MAP3K5: variants seen among roughly 807,000 people sequenced by gnomAD.
The protein encoded by MAP3K5 is mitogen-activated protein kinase kinase kinase 5, also known as ASK-1.
A neutral mutation model predicts 158.7 loss-of-function variants in MAP3K5; 56 were observed. The ratio of observed to expected loss-of-function variants is 0.35; its 90% confidence interval spans 0.28 to 0.44. The LOEUF is 0.44. Ranked by LOEUF, MAP3K5 falls within the 20% of genes least tolerant of loss-of-function variation. MAP3K5 has a pLI of 1.00. For synonymous variants in MAP3K5, 579 were observed against 601.7 expected (o/e 0.96, Z 0.55); for missense variants, 1,294 against 1,674.8 (o/e 0.77, Z 3.97).
intron 8 of MAP3K5, among the ~76,000 whole-genome samples, chr6:136,665,673 ATGAACTACAGTATCTC>A (rs2114502133): frequency 6.6e-6 from 1 of 152,306 alleles, no homozygotes; most frequent in South Asian, 2.1e-4. Flanking sequence ...CATCAACGGG[ATGAACTACAGTATCTC>A]TGAAAGAGGA....
chr6:136,791,417 T>C (rs1785068769), intron 1 of MAP3K5, among the ~76,000 whole-genome samples: 5 of 151,342 alleles, frequency 3.3e-5, no homozygotes, highest in Admixed American at 6.6e-5. Context: ...CTGGGGCAAA[T>C]ATCTCACACT....
At chr6:136,740,896 C>T (rs1343074640) in intron 1 of MAP3K5, among the ~76,000 whole-genome samples, 2 of 152,088 alleles carry the variant, frequency 1.3e-5, no homozygotes, top group Non-Finnish European at 2.9e-5. Context: ...CTGCTCTGTA[C>T]GAGAGCTAGA....
intron 24 of MAP3K5, 73 bp downstream of exon 24, chr6:136,583,482 G>T (rs1774977811): frequency 7.5e-7 from 1 of 1,338,978 alleles, no homozygotes; most frequent in South Asian, 1.5e-5. Context: ...AAAAATAACA[G>T]AACTTATGTT....
At chr6:136,678,271 TACA>T (rs1779789135) in intron 7 of MAP3K5, among the ~76,000 whole-genome samples, 1 of 152,190 alleles carries the variant, frequency 6.6e-6, no homozygotes, top group African/African-American at 2.4e-5. Context: ...GTATTCTATA[TACA>T]ACAGAAACAG....
At chr6:136,708,386 G>A (rs1187762868) in intron 2 of MAP3K5, among the ~76,000 whole-genome samples, 2 of 151,998 alleles carry the variant, frequency 1.3e-5, no homozygotes, top group African/African-American at 2.4e-5. Context: ...CTCCCAAGTA[G>A]CTGGGACCAC....
chr6:136,726,531 T>G (rs1006782547), intron 1 of MAP3K5, among the ~76,000 whole-genome samples: 3 of 151,948 alleles, frequency 2.0e-5, no homozygotes, highest in Non-Finnish European at 4.4e-5. Context: ...AGGCAGAGGC[T>G]GCAGTGAGCC....
chr6:136,635,423 A>G (rs551662009), intron 14 of MAP3K5, among the ~76,000 whole-genome samples: 6 of 152,318 alleles, frequency 3.9e-5, no homozygotes, highest in African/African-American at 1.4e-4. Flanking sequence ...AATAAGAAGT[A>G]GTATCTATTA....
intron 1 of MAP3K5, among the ~76,000 whole-genome samples, chr6:136,760,221 T>C (rs1783687046): frequency 6.6e-6 from 1 of 152,294 alleles, no homozygotes; most frequent in African/African-American, 2.4e-5. Context: ...CATGCTTAAA[T>C]AGTAAAGACT....
intron 14 of MAP3K5, among the ~76,000 whole-genome samples, chr6:136,625,520 C>T (rs545812597): frequency 1.3e-5 from 2 of 152,348 alleles, no homozygotes; most frequent in East Asian, 1.9e-4. Context: ...TGTCTCAAGA[C>T]TGAGCTCTGG....
chr6:136,789,189 A>G (rs1262609075), intron 1 of MAP3K5, among the ~76,000 whole-genome samples: 1 of 152,214 alleles, frequency 6.6e-6, no homozygotes, highest in Non-Finnish European at 1.5e-5. Flanking sequence ...TCATGCCTGT[A>G]GTCCCAGCTA....
In MAP3K5 at chr6:136,578,181, A is replaced by G. The variant is rs17723401; in HGVS notation, c.3517+2120T>C. ...ACAACCAGCCTTATCCTAATGATAA[A>G]GTATCTGAATATAAATATTGTTTGA... On this transcript the variant is annotated intron_variant, in intron 25 of 29. Coordinates refer to ENST00000359015, the MANE Select transcript of MAP3K5 (RefSeq NM_005923.4). Among the ~76,000 whole-genome samples, 763 of 152,296 alleles carry G rather than the reference A, an allele frequency of 5.0e-3. 7 individuals are homozygous for G. The highest frequency in any genetic ancestry group is 0.039 in the East Asian group (203 of 5,178).
intron 8 of MAP3K5, among the ~76,000 whole-genome samples, chr6:136,665,975 C>G (rs978687615): frequency 6.6e-6 from 1 of 152,164 alleles, no homozygotes; most frequent in Non-Finnish European, 1.5e-5. Flanking sequence ...GTTGGAGACT[C>G]AAACCTCTAA....
chr6:136,669,884 GGTGTGTGTGTGTGT>G (rs60778677), intron 7 of MAP3K5, among the ~76,000 whole-genome samples: 2 of 144,402 alleles, frequency 1.4e-5, no homozygotes, highest in Non-Finnish European at 3.0e-5. Flanking sequence ...CATCATTCAG[GGTGTGTGTGTGTGT>G]GTGTGTGTGT....
intron 1 of MAP3K5, among the ~76,000 whole-genome samples, chr6:136,783,276 TA>T (rs11436876): frequency 2.9e-4 from 42 of 144,190 alleles, no homozygotes; most frequent in African/African-American, 2.8e-4. Flanking sequence ...AAGATCTTCT[TA>T]AAAAAAAAAA....
chr6:136,720,700 G>A, intron 1 of MAP3K5, 111 bp from the exon 2 acceptor site: 1 of 752,704 alleles, frequency 1.3e-6, no homozygotes, highest in Non-Finnish European at 2.1e-6. Flanking sequence ...GGAAACGATA[G>A]GGATTTTCTC....
intron 10 of MAP3K5, among the ~76,000 whole-genome samples, chr6:136,653,140 T>C (rs1376296295): frequency 6.6e-6 from 1 of 152,196 alleles, no homozygotes; most frequent in Non-Finnish European, 1.5e-5. Flanking sequence ...CTCCTTCCTC[T>C]TTCCCGACGT....
chr6:136,754,591 A>AAAAG (rs56197087), intron 1 of MAP3K5, among the ~76,000 whole-genome samples: 73,858 of 149,866 alleles, frequency 0.49, 18,267 homozygotes, highest in Middle Eastern at 0.54. Flanking sequence ...TCAAAAAAAA[A>AAAAG]AAAGAAAGAA....
At position 136,626,504 on chromosome 6, in the gene MAP3K5, C is replaced by T. The variant is rs1248236445; in HGVS notation, c.2017-3523G>A. ...GCAGCAGGGATCATTTAGCAACATG[C>T]TCTAACTCAGAGTTAAAACTGGGCT... is the stretch of plus-strand genomic sequence containing the variant. On this transcript the variant is annotated intron_variant, in intron 14 of 29. Coordinates refer to ENST00000359015, the MANE Select transcript of MAP3K5 (RefSeq NM_005923.4). 2.0e-5 allele frequency among the ~76,000 whole-genome samples: 3 copies of T among 152,178 alleles called. No homozygotes were observed. In the South Asian group the frequency reaches 6.2e-4, roughly 31 times the overall value.
intron 7 of MAP3K5, among the ~76,000 whole-genome samples, chr6:136,669,640 A>ATCCTC (rs397730443): frequency 1.3e-5 from 2 of 152,016 alleles, no homozygotes; most frequent in African/African-American, 4.8e-5. Flanking sequence ...CTTTAAAAAA[A>ATCCTC]TCCTCTCTTC....
Sources: gnomAD v4.1 joint callset for allele counts (sites outside exome capture counted in the v4.1 genomes callset) on GRCh38, gnomAD v4.1.1 for gene constraint, MANE v1.5 for transcripts, NCBI Gene and HGNC (gene_info 2026-07-23, HGNC 2026-07-21) for gene names.